The following CHRDL2 variants were observed in gnomAD, a reference collection of about 807,000 sequenced individuals.
The protein encoded by CHRDL2 is chordin like 2.
In CHRDL2, 41 loss-of-function variants were observed where a neutral mutation model predicts 54.3. That is an observed-to-expected ratio of 0.76 (90% CI 0.59 to 0.98). The LOEUF (loss-of-function observed/expected upper bound fraction) is 0.98, where lower values mean the gene tolerates loss of function less well. CHRDL2 is among the 50% of genes least tolerant of loss of function. The probability of loss-of-function intolerance (pLI) is 0.00; values close to 1 mark genes in which losing one functional copy is unlikely to be tolerated. For missense variants in CHRDL2, 518 were observed against 562.4 expected, an observed-to-expected ratio of 0.92 and a Z score of 0.80; for synonymous variants, 220 against 224.3, an observed-to-expected ratio of 0.98 and a Z score of 0.17.
intron 1 of CHRDL2, among the ~76,000 whole-genome samples, chr11:74,721,000 C>T (rs1326472515): frequency 6.6e-6 from 1 of 152,228 alleles, no homozygotes; most frequent in African/African-American, 2.4e-5. Context: ...AGTAGGAACA[C>T]ATGGCTTAGT....
At chr11:74,702,665 C>T in intron 9 of CHRDL2, 129 bp downstream of exon 9, 2 of 827,158 alleles carry the variant, frequency 2.4e-6, no homozygotes, top group Non-Finnish European at 3.9e-6. Flanking sequence ...GAATCAGGGG[C>T]TCTTAAACCT....
rs756274559 is a variant in CHRDL2, at chr11:74,702,890, T to TG, written c.1023dup (p.Thr342HisfsTer93). The TG allele has an allele frequency of 6.2e-7, 1 of 1,614,160 alleles. No individual in the cohort carries two copies. Among genetic ancestry groups the TG allele is most frequent in the South Asian group, 1.1e-5 (1 of 91,084 alleles). On this transcript the variant is annotated frameshift_variant, in exon 9 of 11. Transcript: ENST00000376332. LOFTEE classifies it high-confidence loss of function. ...TTGTCTGGGCTTGGGGATACCGATG[T>TG]GTGGACGAGGACCCGGCCCGGTGCC...
In CHRDL2 at chr11:74,710,980, G is replaced by T. The variant is rs1343372088; in HGVS notation, c.301C>A (p.Pro101Thr). The T allele has an allele frequency of 1.2e-6, 2 of 1,613,884 alleles. No homozygotes were observed. The highest frequency in any genetic ancestry group is 2.2e-5 in the South Asian group (2 of 91,024). Residue 101 changes from proline to threonine, a missense_variant, in exon 4 of 11, where the codon CCC becomes ACC. Transcript: ENST00000376332. ...TTTGGTGGGGCCCGGAGTCCAGAGG[G>T]AGTGTGAGGTTCTGCAGTGGGGGAG... ...CCPKCVEPHT[P>T]SGLRAPPKSC... is the part of the protein sequence containing the mutation.
intron 3 of CHRDL2, among the ~76,000 whole-genome samples, chr11:74,711,532 C>A (rs1231819522): frequency 6.6e-6 from 1 of 152,204 alleles, no homozygotes; most frequent in Non-Finnish European, 1.5e-5. Context: ...CGTCCTCATC[C>A]TGCCAGGTGG....
chr11:74,704,304 A>G (rs112062782), intron 7 of CHRDL2, among the ~76,000 whole-genome samples, 182 bp downstream of exon 7: 2 of 152,216 alleles, frequency 1.3e-5, no homozygotes, highest in African/African-American at 4.8e-5. Context: ...TGGGGGTTTG[A>G]ACCTGATGAT....
At position 74,702,780 on chromosome 11, in the gene CHRDL2, G is replaced by A. The variant is rs761798349; in HGVS notation, c.1120+14C>T. ...GCCAGAGGTACACCCCACTGGGAGTGGGCCAGCACTCACCTTTTACCAGCT... is the reference window on the plus strand; with the variant it reads ...GCCAGAGGTACACCCCACTGGGAGTAGGCCAGCACTCACCTTTTACCAGCT... On this transcript the variant is annotated intron_variant, in intron 9 of 10. Transcript: ENST00000376332. 11 of 1,613,904 alleles carry A rather than the reference G, an allele frequency of 6.8e-6. No individual in the cohort carries two copies. The highest frequency in any genetic ancestry group is 9.3e-6 in the Non-Finnish European group (11 of 1,179,852).
chr11:74,704,761 C>A, intron 6 of CHRDL2, 107 bp from the exon 7 acceptor site: 1 of 1,087,180 alleles, frequency 9.2e-7, no homozygotes, highest in Non-Finnish European at 1.4e-6. Context: ...GAGACCCCAG[C>A]ATGACTTCCC....
intron 1 of CHRDL2, chr11:74,720,196 T>C (rs1379303078): frequency 6.6e-6 from 1 of 152,496 alleles, no homozygotes; most frequent in East Asian, 1.9e-4. Flanking sequence ...ATAACGCTTG[T>C]AAAGTGTTTA....
chr11:74,730,951 A>T lies in CHRDL2; in HGVS notation c.-63T>A. 3.7e-6 allele frequency: 5 copies of T among 1,368,594 alleles called. No individual in the cohort carries two copies. Among genetic ancestry groups the T allele is most frequent in the Non-Finnish European group, 5.1e-6 (5 of 989,078 alleles). 84.8% of individuals were successfully genotyped at this position (1,368,594 alleles called of 1,614,324 possible). ...GTCGGGAGGAAGGGAGACGAAAAGG[A>T]CACGGAGGCACAGGGGCCACAGATC... is the stretch of plus-strand genomic sequence containing the variant. On this transcript the variant is annotated 5_prime_UTR_variant, in exon 1 of 11. Coordinates refer to ENST00000376332, the MANE Select transcript of CHRDL2 (RefSeq NM_001278473.3).
At chr11:74,697,930 G>C (rs2033656443) in intron 9 of CHRDL2, among the ~76,000 whole-genome samples, 1 of 152,182 alleles carries the variant, frequency 6.6e-6, no homozygotes, top group South Asian at 2.1e-4. Flanking sequence ...ACTAGCAAGT[G>C]GCAGAGTTAC....
intron 9 of CHRDL2, chr11:74,698,186 C>A (rs1336457059): frequency 6.6e-6 from 1 of 151,580 alleles, no homozygotes; most frequent in Non-Finnish European, 1.5e-5. Context: ...GCCTCAGCCT[C>A]CTGAGTAGCT....
intron 9 of CHRDL2, chr11:74,701,545 C>T (rs2033811351): frequency 2.8e-6 from 2 of 712,528 alleles, no homozygotes; most frequent in Non-Finnish European, 5.2e-6. Context: ...GAAAGAGCCG[C>T]ATCTGACGCC....
intron 2 of CHRDL2, among the ~76,000 whole-genome samples, chr11:74,716,146 T>C (rs547296059): frequency 2.0e-5 from 3 of 152,244 alleles, no homozygotes; most frequent in South Asian, 2.1e-4. Flanking sequence ...GGGAAGAACA[T>C]TCCAAGTGGA....
intron 1 of CHRDL2, among the ~76,000 whole-genome samples, chr11:74,721,888 C>G (rs1268913365): frequency 2.6e-5 from 4 of 152,232 alleles, no homozygotes; most frequent in African/African-American, 9.6e-5. Context: ...CTCCAAAATT[C>G]TAGGATTCTA....
chr11:74,709,968 G>A (rs1421131727), intron 4 of CHRDL2, among the ~76,000 whole-genome samples: 1 of 152,168 alleles, frequency 6.6e-6, no homozygotes, highest in Non-Finnish European at 1.5e-5. Flanking sequence ...TGTAATCCCA[G>A]CACTTTGGGA....
intron 6 of CHRDL2, 63 bp downstream of exon 6, chr11:74,706,424 G>A (rs1026100325): frequency 7.9e-6 from 12 of 1,523,674 alleles, no homozygotes; most frequent in African/African-American, 2.7e-5. Flanking sequence ...CCAGAGTCAC[G>A]AGATTTAGGC....
intron 1 of CHRDL2, among the ~76,000 whole-genome samples, chr11:74,726,821 C>T (rs1052952496): frequency 7.9e-5 from 12 of 152,284 alleles, no homozygotes; most frequent in African/African-American, 2.4e-4. Context: ...AGCCTGGAGC[C>T]GGACTTCAGG....
intron 5 of CHRDL2, among the ~76,000 whole-genome samples, chr11:74,706,809 G>T (rs1017701853): frequency 6.6e-6 from 1 of 152,188 alleles, no homozygotes; most frequent in Non-Finnish European, 1.5e-5. Context: ...TAACCATTAG[G>T]ACTGAAGTCC....
intron 1 of CHRDL2, among the ~76,000 whole-genome samples, chr11:74,720,688 C>T (rs1422937249): frequency 6.6e-6 from 1 of 152,174 alleles, no homozygotes; most frequent in Non-Finnish European, 1.5e-5. Flanking sequence ...GAAACAGAAT[C>T]GCAGAGCATT....
Sources: gnomAD v4.1 joint callset for allele counts (sites outside exome capture counted in the v4.1 genomes callset) on GRCh38, gnomAD v4.1.1 for gene constraint, MANE v1.5 for transcripts, NCBI Gene and HGNC (gene_info 2026-07-23, HGNC 2026-07-21) for gene names.